Variants in JAK1 observed in about 807,000 individuals in gnomAD.
The protein encoded by JAK1 is tyrosine-protein kinase JAK1.
In JAK1, 16 loss-of-function variants were observed where a neutral mutation model predicts 136.6. The ratio of observed to expected loss-of-function variants is 0.12; its 90% confidence interval spans 0.08 to 0.18. The LOEUF (loss-of-function observed/expected upper bound fraction) is 0.18, where lower values mean the gene tolerates loss of function less well. Ranked by LOEUF, JAK1 falls within the 10% of genes least tolerant of loss-of-function variation. JAK1 has a pLI of 1.00. For synonymous variants in JAK1, 492 were observed against 519.5 expected, an observed-to-expected ratio of 0.95 and a Z score of 0.72; for missense variants, 859 against 1,450.1, an observed-to-expected ratio of 0.59 and a Z score of 6.62.
At chr1:64,958,532 C>T (rs1490749364) in intron 1 of JAK1, among the ~76,000 whole-genome samples, 2 of 152,144 alleles carry the variant, frequency 1.3e-5, no homozygotes, top group Non-Finnish European at 2.9e-5. Flanking sequence ...GCAGGTACAC[C>T]TGGCAAAAAG....
chr1:64,892,392 T>C (rs1454193493), intron 1 of JAK1, among the ~76,000 whole-genome samples: 2 of 152,126 alleles, frequency 1.3e-5, no homozygotes, highest in Non-Finnish European at 2.9e-5. Flanking sequence ...GTGAACCTCC[T>C]GCCTCAGCCT....
intron 1 of JAK1, among the ~76,000 whole-genome samples, chr1:65,057,264 A>G (rs937001530): frequency 2.0e-5 from 3 of 152,250 alleles, no homozygotes; most frequent in Non-Finnish European, 1.5e-5. Context: ...TTACATGTGT[A>G]CAGTGTCCTT....
At chr1:64,855,803 T>C (rs1655894785) in intron 10 of JAK1, 105 bp from the exon 11 acceptor site, 4 of 838,374 alleles carry the variant, frequency 4.8e-6, no homozygotes, top group Admixed American at 6.2e-5. Context: ...TTTTGCACCA[T>C]CTCTGTAACA....
chr1:64,985,157 C>T (rs1460673375), intron 2 of JAK1: 1 of 1,345,458 alleles, frequency 7.4e-7, no homozygotes, highest in Non-Finnish European at 1.1e-6. Context: ...TAGTATTAAC[C>T]ACACCCACAC....
chr1:64,895,423 C>G (rs1645000157), intron 1 of JAK1, among the ~76,000 whole-genome samples: 1 of 152,096 alleles, frequency 6.6e-6, no homozygotes, highest in African/African-American at 2.4e-5. Flanking sequence ...TTAAAGGACC[C>G]AACAAGGTTA....
chr1:65,063,341 A>G (rs1416994915), intron 1 of JAK1, among the ~76,000 whole-genome samples: 1 of 152,222 alleles, frequency 6.6e-6, no homozygotes, highest in East Asian at 1.9e-4. Context: ...CAATTTTCCC[A>G]TGACACCCCT....
At chr1:65,047,378 A>G (rs1344804843) in intron 1 of JAK1, among the ~76,000 whole-genome samples, 1 of 152,212 alleles carries the variant, frequency 6.6e-6, no homozygotes, top group Admixed American at 6.5e-5. Context: ...TTAATTCAAA[A>G]ACATTTGAAC....
chr1:64,842,294 A>C (rs1237886171), intron 17 of JAK1, among the ~76,000 whole-genome samples: 4 of 152,204 alleles, frequency 2.6e-5, no homozygotes, highest in Admixed American at 1.3e-4. Context: ...TTTTTTTAAT[A>C]GTTTCATTTT....
rs553112816 is a variant in JAK1 at position 64,920,580 on chromosome 1, AAAATT to A, written c.-77-34244_-77-34240del. The stretch of plus-strand genomic sequence containing the variant: ...AGACTAGACTACACTAGACCAAACT[AAAATT>A]AAATTAAATTAAATTAATGCTGGCA... On this transcript the variant is annotated intron_variant, in intron 1 of 24. Transcript: ENST00000342505. 6.6e-5 allele frequency among the ~76,000 whole-genome samples: 10 copies of A among 152,308 alleles called. No homozygotes were observed. The South Asian group carries it at 1.7e-3, about 25-fold the overall frequency.
chr1:64,946,146 G>A (rs772758294), intron 1 of JAK1, among the ~76,000 whole-genome samples: 1 of 152,066 alleles, frequency 6.6e-6, no homozygotes, highest in Non-Finnish European at 1.5e-5. Context: ...TGCCAAGAAA[G>A]CCTTGTTAAG....
chr1:65,003,214 G>A (rs890811568), intron 2 of JAK1, among the ~76,000 whole-genome samples: 1 of 151,976 alleles, frequency 6.6e-6, no homozygotes, highest in Non-Finnish European at 1.5e-5. Flanking sequence ...CCTGGCTCCA[G>A]GCGCCCTTTA....
At chr1:64,978,784 G>A (rs926802232) in intron 2 of JAK1, among the ~76,000 whole-genome samples, 2 of 151,798 alleles carry the variant, frequency 1.3e-5, no homozygotes, top group African/African-American at 4.8e-5. Context: ...GACAATCAAG[G>A]CCGGGGTGCT....
At chr1:64,894,742 A>T (rs1644989115) in intron 1 of JAK1, among the ~76,000 whole-genome samples, 1 of 152,110 alleles carries the variant, frequency 6.6e-6, no homozygotes, top group South Asian at 2.1e-4. Context: ...ATGCTGCTGC[A>T]CTCTAGCCTA....
chr1:64,916,997 A>C lies in JAK1; in HGVS notation c.-77-30656T>G, dbSNP rs973626397. Among the ~76,000 whole-genome samples the C allele has an allele frequency of 6.6e-5, 10 of 152,236 alleles. No individual in the cohort carries two copies. In the East Asian group the frequency reaches 1.9e-3, roughly 29 times the overall value. Reference sequence around the variant, plus strand: ...AGTGGAGGGGAGAAAATCATCAGCAAAACCATTTGAGAAAGATTTCCCAGA... The same window carrying C: ...AGTGGAGGGGAGAAAATCATCAGCACAACCATTTGAGAAAGATTTCCCAGA... On this transcript the variant is annotated intron_variant, in intron 1 of 24. Transcript: ENST00000342505.
At chr1:64,913,430 C>T (rs1645319215) in intron 1 of JAK1, among the ~76,000 whole-genome samples, 1 of 151,970 alleles carries the variant, frequency 6.6e-6, no homozygotes, top group Non-Finnish European at 1.5e-5. Flanking sequence ...CAATTTCACT[C>T]AATAAATAAT....
At chr1:64,977,390 A>G (rs1269946129) in intron 2 of JAK1, among the ~76,000 whole-genome samples, 1 of 151,278 alleles carries the variant, frequency 6.6e-6, no homozygotes, top group Non-Finnish European at 1.5e-5. Context: ...GGGCTCAAGC[A>G]GTCCTCCTGT....
At position 64,873,431 on chromosome 1, in the gene JAK1, T is replaced by C. The variant is rs1310136072; in HGVS notation, c.422A>G (p.Lys141Arg). The change falls in exon 5 of 25, where the codon AAA becomes AGA. Residue 141 changes from lysine to arginine, a missense_variant. Physicochemically the swap from Lys to Arg is conservative, Grantham distance 26. This residue lies in a region of JAK1 where 353 missense variants were observed against 494.0 expected (regional missense o/e 0.71). Transcript: ENST00000342505. ...PKKQKNGYEK[K>R]KIPDATPLLD... ...GAGAGGGGTTGCATCTGGAATCTTT[T>C]TTTTCTCGTAGCCATTTTTCTGCTT... The C allele has an allele frequency of 1.9e-6, 3 of 1,614,210 alleles. No individual in the cohort carries two copies. The highest frequency in any genetic ancestry group is 2.5e-6 in the Non-Finnish European group (3 of 1,180,038).
At chr1:64,985,468 T>C in intron 2 of JAK1, 2 of 1,605,112 alleles carry the variant, frequency 1.2e-6, no homozygotes, top group East Asian at 2.2e-5. Flanking sequence ...AGCAAGAATC[T>C]GGGACTTTCA....
intron 15 of JAK1, 124 bp downstream of exon 15, chr1:64,845,389 C>T (rs1443319087): frequency 3.6e-6 from 4 of 1,099,800 alleles, no homozygotes; most frequent in Middle Eastern, 2.7e-4. Flanking sequence ...AACCACAGAG[C>T]CCTGGCCCCA....
Sources: allele counts gnomAD v4.1 joint callset (sites outside exome capture counted in the v4.1 genomes callset), GRCh38; gene constraint gnomAD v4.1.1; regional missense constraint gnomAD v4.1.1; transcripts MANE v1.5; gene names NCBI Gene and HGNC (gene_info 2026-07-23, HGNC 2026-07-21).